Variants in CACNA2D3 observed in about 807,000 individuals in gnomAD.
CACNA2D3 encodes the protein voltage-dependent calcium channel subunit alpha-2/delta-3.
Under a neutral mutation model 160.6 loss-of-function variants are expected in CACNA2D3, and 60 were observed. That is an observed-to-expected ratio of 0.37 (90% confidence interval 0.30 to 0.46). The LOEUF (loss-of-function observed/expected upper bound fraction) is 0.46, where lower values mean the gene tolerates loss of function less well. CACNA2D3 is among the 20% of genes least tolerant of loss of function. CACNA2D3 has a pLI of 1.00. For synonymous variants in CACNA2D3, 558 were observed against 492.9 expected (o/e 1.13, Z -1.75); for missense variants, 1,205 against 1,365.0 (o/e 0.88, Z 1.85).
chr3:54,317,652 C>G (rs938860068), intron 2 of CACNA2D3, among the ~76,000 whole-genome samples: 1 of 152,150 alleles, frequency 6.6e-6, no homozygotes, highest in Non-Finnish European at 1.5e-5. Flanking sequence ...ATTCTTCTGC[C>G]TCAGTCTCCT....
intron 10 of CACNA2D3, among the ~76,000 whole-genome samples, chr3:54,636,037 T>C (rs1471292658): frequency 6.6e-6 from 1 of 151,740 alleles, no homozygotes; most frequent in African/African-American, 2.4e-5. Context: ...CTGAGCTTGA[T>C]GTGTAGGGAA....
chr3:54,149,926 T>C (rs898046713), intron 2 of CACNA2D3, among the ~76,000 whole-genome samples: 3,463 of 55,032 alleles, frequency 0.063, 215 homozygotes, highest in Non-Finnish European at 0.087. Flanking sequence ...TCTCTCTCTC[T>C]CTCTCCCTCC....
At chr3:54,742,148 G>T in intron 11 of CACNA2D3, among the ~76,000 whole-genome samples, 1 of 152,190 alleles carries the variant, frequency 6.6e-6, no homozygotes, top group East Asian at 1.9e-4. Flanking sequence ...GCTGGGTGCG[G>T]TGGCTCATGC....
intron 2 of CACNA2D3, among the ~76,000 whole-genome samples, chr3:54,288,874 C>G (rs139475218): frequency 6.6e-6 from 1 of 152,136 alleles, no homozygotes; most frequent in Non-Finnish European, 1.5e-5. Flanking sequence ...ATTCAACAAC[C>G]TTCATGCTAA....
At chr3:54,816,805 A>G (rs765411029) in intron 13 of CACNA2D3, 48 bp from the exon 14 acceptor site, 21 of 1,604,312 alleles carry the variant, frequency 1.3e-5, no homozygotes, top group Non-Finnish European at 1.8e-5. Context: ...TTACTTATAT[A>G]ATGATCAACT....
intron 3 of CACNA2D3, among the ~76,000 whole-genome samples, chr3:54,369,590 G>A (rs374390630): frequency 2.6e-5 from 4 of 152,124 alleles, no homozygotes; most frequent in East Asian, 3.8e-4. Flanking sequence ...GTCCAGGCTG[G>A]TCCCAGCTCT....
chr3:54,564,748 T>A (rs1378392919), intron 6 of CACNA2D3, among the ~76,000 whole-genome samples: 1 of 152,062 alleles, frequency 6.6e-6, no homozygotes, highest in Non-Finnish European at 1.5e-5. Context: ...ACAAAAGAGG[T>A]CTCTGCCCTC....
intron 35 of CACNA2D3, among the ~76,000 whole-genome samples, chr3:55,029,141 G>T (rs1326865352): frequency 3.3e-5 from 5 of 152,136 alleles, no homozygotes; most frequent in Non-Finnish European, 2.9e-5. Flanking sequence ...ACCAAGTGAG[G>T]CTTCTGGAAA....
At chr3:54,666,118 A>G (rs1430642076) in intron 11 of CACNA2D3, among the ~76,000 whole-genome samples, 10 of 152,186 alleles carry the variant, frequency 6.6e-5, no homozygotes, top group Non-Finnish European at 1.3e-4. Context: ...TTTGATTGCT[A>G]GAGAACATGA....
At chr3:54,370,096 CAG>C (rs1237039953) in intron 3 of CACNA2D3, among the ~76,000 whole-genome samples, 1 of 152,140 alleles carries the variant, frequency 6.6e-6, no homozygotes, top group East Asian at 1.9e-4. Context: ...TATAAATAAA[CAG>C]TAATAAATTA....
chr3:54,969,939 G>T, intron 29 of CACNA2D3, 95 bp downstream of exon 29: 2 of 1,047,378 alleles, frequency 1.9e-6, no homozygotes, highest in Non-Finnish European at 2.9e-6. Flanking sequence ...AACAAGGCCA[G>T]GTTGACGCAT....
At chr3:54,189,769 C>T (rs997088727) in intron 2 of CACNA2D3, among the ~76,000 whole-genome samples, 20 of 152,224 alleles carry the variant, frequency 1.3e-4, no homozygotes, top group African/African-American at 4.8e-4. Context: ...AGATCCCACA[C>T]ACAGGCCTAT....
chr3:54,798,959 CCTT>C (rs537982533), intron 13 of CACNA2D3, among the ~76,000 whole-genome samples: 38 of 152,276 alleles, frequency 2.5e-4, no homozygotes, highest in African/African-American at 8.7e-4. Context: ...GTTATTGACT[CCTT>C]CTTTAAAAAA....
At chr3:54,437,234 C>T (rs1255848262) in intron 4 of CACNA2D3, among the ~76,000 whole-genome samples, 3 of 152,136 alleles carry the variant, frequency 2.0e-5, no homozygotes, top group African/African-American at 4.8e-5. Flanking sequence ...TTCAATGAGC[C>T]GTCGTAACGA....
intron 11 of CACNA2D3, among the ~76,000 whole-genome samples, chr3:54,722,456 T>G (rs542927810): frequency 6.6e-6 from 1 of 152,352 alleles, no homozygotes; most frequent in Admixed American, 6.5e-5. Context: ...CCCTTGCTGG[T>G]TAGGAGTTGT....
chr3:54,131,936 G>A (rs1396368666), intron 2 of CACNA2D3, among the ~76,000 whole-genome samples: 1 of 152,182 alleles, frequency 6.6e-6, no homozygotes, highest in Non-Finnish European at 1.5e-5. Flanking sequence ...CATCCATAAC[G>A]CCTTTTCCAT....
Position 55,020,587 on chromosome 3 carries a change from C to T in CACNA2D3, c.2987+2270C>T, listed in dbSNP as rs145316695. Reference sequence around the variant, plus strand: ...TAAACAGGCCAGGCGCGGTGGCTCACGCCTGTAATCTCAACACTTTGGGAG... The same window carrying T: ...TAAACAGGCCAGGCGCGGTGGCTCATGCCTGTAATCTCAACACTTTGGGAG... On this transcript the variant is annotated intron_variant, in intron 35 of 37. Transcript: ENST00000474759. Among the ~76,000 whole-genome samples, 904 of 151,878 alleles carry T rather than the reference C, an allele frequency of 6.0e-3. 3 individuals are homozygous for T. The highest frequency in any genetic ancestry group is 7.6e-3 in the Non-Finnish European group (515 of 67,982).
At chr3:54,340,523 CCTT>C (rs1224748871) in intron 3 of CACNA2D3, among the ~76,000 whole-genome samples, 1 of 152,188 alleles carries the variant, frequency 6.6e-6, no homozygotes, top group African/African-American at 2.4e-5. Flanking sequence ...AGAAAACGTA[CCTT>C]CTTCCAGTAT....
chr3:54,879,434 G>A, intron 20 of CACNA2D3, 23 bp downstream of exon 20: 1 of 1,535,168 alleles, frequency 6.5e-7, no homozygotes, highest in Non-Finnish European at 9.0e-7. Context: ...ATAATACATG[G>A]ACATTCCATC....
Sources: gnomAD v4.1 joint callset for allele counts (sites outside exome capture counted in the v4.1 genomes callset) on GRCh38, gnomAD v4.1.1 for gene constraint, MANE v1.5 for transcripts, NCBI Gene and HGNC (gene_info 2026-07-23, HGNC 2026-07-21) for gene names.